IMPG1: variants seen among roughly 807,000 people sequenced by gnomAD.
The protein encoded by IMPG1 is interphotoreceptor matrix proteoglycan of 150 kDa.
Under a neutral mutation model 92.0 loss-of-function variants are expected in IMPG1, and 85 were observed. The observed-to-expected ratio is 0.92, with a 90% CI of 0.78 to 1.11. IMPG1 has a LOEUF of 1.11. Among genes scored for constraint, IMPG1 ranks in the 50% least tolerant of loss-of-function variants. The probability of loss-of-function intolerance (pLI) is 0.00; values close to 1 mark genes in which losing one functional copy is unlikely to be tolerated. For missense variants in IMPG1, 1,022 were observed against 956.0 expected (o/e 1.07, Z -0.91); for synonymous variants, 367 against 334.1 (o/e 1.10, Z -1.08).
intron 12 of IMPG1, among the ~76,000 whole-genome samples, chr6:75,963,804 A>G (rs1472177236): frequency 6.6e-6 from 1 of 152,150 alleles, no homozygotes; most frequent in African/African-American, 2.4e-5. Context: ...AATGGACCTC[A>G]CTGACAAAGA....
intron 12 of IMPG1, among the ~76,000 whole-genome samples, chr6:75,970,841 C>T (rs905749718): frequency 3.3e-5 from 5 of 152,110 alleles, no homozygotes; most frequent in African/African-American, 4.8e-5. Context: ...GCAAAATAAT[C>T]GACACATTCT....
At chr6:75,970,536 A>T (rs1239652036) in intron 12 of IMPG1, among the ~76,000 whole-genome samples, 3 of 152,174 alleles carry the variant, frequency 2.0e-5, no homozygotes, top group African/African-American at 7.2e-5. Flanking sequence ...ATTTTGAAAA[A>T]CATAATCACT....
At chr6:75,991,094 C>T (rs1336156693) in intron 12 of IMPG1, among the ~76,000 whole-genome samples, 1 of 152,106 alleles carries the variant, frequency 6.6e-6, no homozygotes, top group African/African-American at 2.4e-5. Context: ...ATGAAGGATG[C>T]TTCTCACTTT....
intron 4 of IMPG1, among the ~76,000 whole-genome samples, chr6:76,026,400 G>A (rs565528690): frequency 2.6e-5 from 4 of 152,172 alleles, no homozygotes; most frequent in Admixed American, 2.6e-4. Flanking sequence ...ACTTCTCAGG[G>A]TGGGGGAAAC....
chr6:75,949,950 T>C (rs142011073), intron 13 of IMPG1, among the ~76,000 whole-genome samples: 1 of 152,260 alleles, frequency 6.6e-6, no homozygotes, highest in Non-Finnish European at 1.5e-5. Context: ...TAGTTCAACA[T>C]TTCTTATTGT....
intron 14 of IMPG1, among the ~76,000 whole-genome samples, chr6:75,937,305 TAAG>T (rs1781762766): frequency 6.6e-6 from 1 of 152,000 alleles, no homozygotes; most frequent in Non-Finnish European, 1.5e-5. Context: ...CAAAATATGA[TAAG>T]AAATTTCATT....
At chr6:76,009,964 C>T (rs1432990619) in intron 8 of IMPG1, among the ~76,000 whole-genome samples, 1 of 152,204 alleles carries the variant, frequency 6.6e-6, no homozygotes, top group East Asian at 1.9e-4. Context: ...TTTCTATCAA[C>T]TTTTATTTTT....
intron 15 of IMPG1, among the ~76,000 whole-genome samples, chr6:75,924,643 AATTAATTAT>A (rs1781504695): frequency 2.0e-4 from 2 of 10,030 alleles, no homozygotes; most frequent in African/African-American, 8.4e-4. Context: ...TATTATATAT[AATTAATTAT>A]ATATAATATA....
At chr6:75,995,722 C>T (rs1300243332) in intron 12 of IMPG1, among the ~76,000 whole-genome samples, 1 of 152,196 alleles carries the variant, frequency 6.6e-6, no homozygotes, top group Non-Finnish European at 1.5e-5. Context: ...TTTAGATTGG[C>T]TGTTAAGCAT....
chr6:76,025,222 C>A lies in IMPG1; in HGVS notation c.534G>T (p.Glu178Asp), dbSNP rs201728664. The change falls in exon 5 of 17, where the codon GAG (glutamate) becomes GAT (aspartate). Residue 178 changes from glutamate to aspartate, a missense_variant. Coordinates refer to ENST00000369950, the MANE Select transcript of IMPG1 (RefSeq NM_001563.4). The stretch of plus-strand genomic sequence containing the variant: ...TTGAAATGACAATGGTTTCACCAGG[C>A]TCTCCCAATGTCTTCTCTGCAGATA... ...DEISAEKTLG[E>D]PGETIVISTD... 40 of 1,603,140 alleles carry A rather than the reference C, an allele frequency of 2.5e-5. No individual in the cohort carries two copies. Among genetic ancestry groups the A allele is most frequent in the Non-Finnish European group, 3.2e-5 (38 of 1,171,252 alleles).
intron 1 of IMPG1, among the ~76,000 whole-genome samples, chr6:76,058,221 A>G (rs1244381834): frequency 6.6e-6 from 1 of 152,186 alleles, no homozygotes; most frequent in Non-Finnish European, 1.5e-5. Context: ...AAATAACATT[A>G]GCAAAGACAT....
At chr6:76,005,847 T>A (rs1783087379) in intron 9 of IMPG1, among the ~76,000 whole-genome samples, 1 of 151,968 alleles carries the variant, frequency 6.6e-6, no homozygotes, top group Non-Finnish European at 1.5e-5. Flanking sequence ...TTCTTTTATT[T>A]TTTTTTTGCG....
chr6:76,010,918 T>C (rs1337817607), intron 8 of IMPG1, among the ~76,000 whole-genome samples: 1 of 152,220 alleles, frequency 6.6e-6, no homozygotes, highest in African/African-American at 2.4e-5. Context: ...ATGAGCTCTC[T>C]ATAGAGAGCA....
chr6:76,045,441 C>CTTTTT lies in IMPG1; in HGVS notation c.68-3320_68-3316dup, dbSNP rs10700038. Among the ~76,000 whole-genome samples, 8 of 122,414 alleles carry CTTTTT rather than the reference C, an allele frequency of 6.5e-5. 1 individual carries two copies. Among genetic ancestry groups the CTTTTT allele is most frequent in the Non-Finnish European group, 8.4e-5 (5 of 59,830 alleles). 80.3% of individuals were successfully genotyped at this position (122,414 alleles called of 152,430 possible). A position where few individuals can be genotyped will look rare whatever the true frequency, so the allele number is the denominator to read the frequency against. On this transcript the variant is annotated intron_variant, in intron 1 of 16. Coordinates refer to ENST00000369950, the MANE Select transcript of IMPG1 (RefSeq NM_001563.4). ...TCTTGGCTGAACAAACAACCTCCAT[C>CTTTTT]TTTTTTTTTTTTTTTTTTTGGTATA...
chr6:76,026,089 G>A (rs528773699), intron 4 of IMPG1, among the ~76,000 whole-genome samples: 21 of 151,150 alleles, frequency 1.4e-4, no homozygotes, highest in African/African-American at 4.9e-4. Context: ...AGCTGCATGC[G>A]GGAAGCACTC....
At chr6:76,016,937 T>A (rs1562371005) in intron 7 of IMPG1, among the ~76,000 whole-genome samples, 1 of 152,052 alleles carries the variant, frequency 6.6e-6, no homozygotes, top group Non-Finnish European at 1.5e-5. Context: ...GCAAAGGCCA[T>A]AGACACATAA....
chr6:75,960,811 C>G (rs1264402636), intron 12 of IMPG1, among the ~76,000 whole-genome samples: 6 of 152,210 alleles, frequency 3.9e-5, no homozygotes, highest in Non-Finnish European at 7.3e-5. Flanking sequence ...TCATTTCACT[C>G]TGAACTATGC....
At position 75,950,845 on chromosome 6, in the gene IMPG1, T is replaced by C; in HGVS notation, c.1541A>G (p.Asp514Gly). 1 of 1,613,952 alleles carries C rather than the reference T, an allele frequency of 6.2e-7. No homozygotes were observed. The change falls in exon 13 of 17, where the codon GAT (aspartate) becomes GGT (glycine). Residue 514 changes from aspartate to glycine, a missense_variant. Physicochemically the swap from Asp to Gly is moderately conservative, Grantham distance 94. Transcript: ENST00000369950. ...CATTTCATCTAGGTGTCTGACCATA[T>C]CTTCGCCACCTGCACTTGATCGGCT... ...DDSRSSAGGEDMVRHLDEMDL... is the reference protein window; with the variant it reads ...DDSRSSAGGEGMVRHLDEMDL...
intron 1 of IMPG1, among the ~76,000 whole-genome samples, chr6:76,059,523 A>G (rs1422328796): frequency 2.0e-5 from 3 of 152,180 alleles, no homozygotes; most frequent in Non-Finnish European, 4.4e-5. Flanking sequence ...GAAATGGCCC[A>G]GAACCAGCAG....
Sources: gnomAD v4.1 joint callset for allele counts (sites outside exome capture counted in the v4.1 genomes callset) on GRCh38, gnomAD v4.1.1 for gene constraint, MANE v1.5 for transcripts, NCBI Gene and HGNC (gene_info 2026-07-23, HGNC 2026-07-21) for gene names.